The following NLGN1 variants were observed in gnomAD, a reference collection of about 807,000 sequenced individuals.
NLGN1 encodes neuroligin-1.
Under a neutral mutation model 65.5 loss-of-function variants are expected in NLGN1, and 12 were observed. The ratio of observed to expected loss-of-function variants is 0.18; its 90% CI spans 0.12 to 0.30. The LOEUF (loss-of-function observed/expected upper bound fraction) is 0.30. Ranked by LOEUF, NLGN1 falls within the 10% of genes least tolerant of loss-of-function variation. The pLI is 1.00. For missense variants in NLGN1, 750 were observed against 1,007.1 expected (o/e 0.74, Z 3.46); for synonymous variants, 350 against 359.5 (o/e 0.97, Z 0.30).
At chr3:173,863,167 A>T (rs1729480354) in intron 4 of NLGN1, among the ~76,000 whole-genome samples, 1 of 151,992 alleles carries the variant, frequency 6.6e-6, no homozygotes, top group African/African-American at 2.4e-5. Context: ...ATTTTATGTT[A>T]AAAATTACCT....
chr3:173,541,737 C>A (rs1467457327), intron 2 of NLGN1, among the ~76,000 whole-genome samples: 4 of 152,036 alleles, frequency 2.6e-5, no homozygotes, highest in Non-Finnish European at 5.9e-5. Context: ...TGCATTACTT[C>A]AAAAGTTTTG....
intron 4 of NLGN1, among the ~76,000 whole-genome samples, chr3:174,080,260 G>A (rs190214913): frequency 4.9e-4 from 74 of 152,162 alleles, no homozygotes; most frequent in Middle Eastern, 3.4e-3. Context: ...CAGCAAATCC[G>A]TACGGGTCTG....
intron 1 of NLGN1, among the ~76,000 whole-genome samples, chr3:173,418,284 AT>A (rs890025847): frequency 2.1e-4 from 32 of 150,614 alleles, no homozygotes; most frequent in African/African-American, 2.9e-4. Flanking sequence ...TATTGCTTGA[AT>A]TTTTTTTTGC....
intron 4 of NLGN1, among the ~76,000 whole-genome samples, chr3:173,918,227 C>T (rs894711492): frequency 2.0e-5 from 3 of 152,068 alleles, no homozygotes; most frequent in African/African-American, 7.2e-5. Context: ...ACTGTGCTTA[C>T]TTAATGCTTC....
intron 2 of NLGN1, among the ~76,000 whole-genome samples, chr3:173,455,216 A>T (rs1722301832): frequency 6.6e-6 from 1 of 152,220 alleles, no homozygotes; most frequent in Non-Finnish European, 1.5e-5. Context: ...AACCTCAGGA[A>T]TCTGACAATC....
intron 4 of NLGN1, among the ~76,000 whole-genome samples, chr3:174,111,238 A>G (rs954787575): frequency 6.6e-6 from 1 of 152,000 alleles, no homozygotes; most frequent in African/African-American, 2.4e-5. Flanking sequence ...AAGCAGGCAA[A>G]GAATGGGACT....
At chr3:174,152,180 A>C (rs1410197842) in intron 4 of NLGN1, among the ~76,000 whole-genome samples, 1 of 152,126 alleles carries the variant, frequency 6.6e-6, no homozygotes, top group Non-Finnish European at 1.5e-5. Context: ...GTAGAGCTAA[A>C]CTTTTCATCT....
chr3:173,503,388 G>A (rs142004116), intron 2 of NLGN1, among the ~76,000 whole-genome samples: 4 of 152,060 alleles, frequency 2.6e-5, no homozygotes, highest in African/African-American at 4.8e-5. Context: ...TGCATTTTCC[G>A]TCATTATAAA....
intron 4 of NLGN1, among the ~76,000 whole-genome samples, chr3:174,083,061 T>G (rs897945674): frequency 6.6e-6 from 1 of 152,206 alleles, no homozygotes; most frequent in Non-Finnish European, 1.5e-5. Context: ...CTCTATCATT[T>G]TATTTAATAA....
At chr3:174,278,465 A>G (rs1750993671) in intron 5 of NLGN1, among the ~76,000 whole-genome samples, 1 of 152,004 alleles carries the variant, frequency 6.6e-6, no homozygotes, top group Non-Finnish European at 1.5e-5. Context: ...AATATTCCAA[A>G]CAGACAATGT....
At chr3:173,938,993 AACCT>A (rs1470890961) in intron 4 of NLGN1, among the ~76,000 whole-genome samples, 1 of 152,212 alleles carries the variant, frequency 6.6e-6, no homozygotes, top group Non-Finnish European at 1.5e-5. Context: ...TGACCAGAGG[AACCT>A]ATTTTAAAAA....
At chr3:173,416,179 C>T (rs1276317805) in intron 1 of NLGN1, among the ~76,000 whole-genome samples, 1 of 152,170 alleles carries the variant, frequency 6.6e-6, no homozygotes, top group Admixed American at 6.5e-5. Context: ...GATTAGATTA[C>T]ACCACCAAAG....
intron 4 of NLGN1, among the ~76,000 whole-genome samples, chr3:174,255,496 C>T (rs1002189995): frequency 1.4e-5 from 2 of 146,976 alleles, no homozygotes; most frequent in Non-Finnish European, 3.0e-5. Context: ...AGAGAGGAAT[C>T]TGTGAATGAG....
chr3:173,490,673 A>T (rs1051577649), intron 2 of NLGN1, among the ~76,000 whole-genome samples: 3 of 152,082 alleles, frequency 2.0e-5, no homozygotes, highest in Non-Finnish European at 2.9e-5. Flanking sequence ...GAATCTATAA[A>T]TTACCTTGGG....
intron 4 of NLGN1, among the ~76,000 whole-genome samples, chr3:174,068,364 C>T (rs551784655): frequency 1.3e-5 from 2 of 152,132 alleles, no homozygotes; most frequent in Non-Finnish European, 2.9e-5. Flanking sequence ...CTATGCATCT[C>T]CTTTCTAAAT....
At chr3:174,230,954 T>C (rs1291738267) in intron 4 of NLGN1, among the ~76,000 whole-genome samples, 1 of 152,182 alleles carries the variant, frequency 6.6e-6, no homozygotes, top group Admixed American at 6.5e-5. Context: ...ACTAATTTGT[T>C]AGTCCTGCAA....
At chr3:173,823,184 A>G (rs987516259) in intron 4 of NLGN1, among the ~76,000 whole-genome samples, 2 of 152,046 alleles carry the variant, frequency 1.3e-5, no homozygotes, top group South Asian at 2.1e-4. Flanking sequence ...TGAATCTGTC[A>G]TAAGTTGTGA....
intron 4 of NLGN1, among the ~76,000 whole-genome samples, chr3:174,055,065 T>C (rs1485916077): frequency 1.3e-5 from 2 of 151,626 alleles, no homozygotes; most frequent in African/African-American, 4.8e-5. Context: ...ACTATGCTTA[T>C]CCTCCACATA....
chr3:173,987,582 T>A (rs943669032), intron 4 of NLGN1, among the ~76,000 whole-genome samples: 1 of 152,188 alleles, frequency 6.6e-6, no homozygotes, highest in Non-Finnish European at 1.5e-5. Context: ...GTTTATAGTT[T>A]CTATCTCTTT....
Sources: gnomAD v4.1 joint callset for allele counts (sites outside exome capture counted in the v4.1 genomes callset) on GRCh38, gnomAD v4.1.1 for gene constraint, MANE v1.5 for transcripts, NCBI Gene and HGNC (gene_info 2026-07-23, HGNC 2026-07-21) for gene names.